The following PARD3B variants were observed in gnomAD, a reference collection of about 807,000 sequenced individuals.
PARD3B encodes par-3 family cell polarity regulator beta.
A neutral mutation model predicts 130.2 loss-of-function variants in PARD3B; 103 were observed. The observed-to-expected ratio is 0.79, with a 90% CI of 0.67 to 0.93. The LOEUF is 0.93. Ranked by LOEUF, PARD3B falls within the 40% of genes least tolerant of loss-of-function variation. The pLI is 0.00. For synonymous variants in PARD3B, 583 were observed against 553.2 expected (o/e 1.05, Z -0.76); for missense variants, 1,609 against 1,499.2 (o/e 1.07, Z -1.21).
intron 1 of PARD3B, among the ~76,000 whole-genome samples, chr2:204,626,629 T>G (rs941781186): frequency 1.2e-4 from 18 of 152,166 alleles, no homozygotes; most frequent in African/African-American, 4.3e-4. Flanking sequence ...ATTCTAAAAA[T>G]CTGTAGTAAA....
Position 205,110,530 on chromosome 2 carries a change from G to T in PARD3B, c.594-2961G>T, listed in dbSNP as rs183351219. 9.2e-5 allele frequency among the ~76,000 whole-genome samples: 14 copies of T among 151,650 alleles called. No individual in the cohort carries two copies. The East Asian group carries it at 2.5e-3, about 27-fold the overall frequency. On this transcript the variant is annotated intron_variant, in intron 5 of 22. Transcript: ENST00000406610. ...TTGTTTTAGTATGTCTTAGAAAGTT[G>T]TATAAAGATAGCTATTTTGATCTTA...
intron 21 of PARD3B, among the ~76,000 whole-genome samples, chr2:205,526,465 C>A (rs1481898622): frequency 6.6e-6 from 1 of 152,116 alleles, no homozygotes; most frequent in Non-Finnish European, 1.5e-5. Flanking sequence ...CAGAAGTATG[C>A]CAGCCAGAAA....
intron 2 of PARD3B, among the ~76,000 whole-genome samples, chr2:204,940,793 A>G (rs983846213): frequency 6.6e-6 from 1 of 152,118 alleles, no homozygotes; most frequent in African/African-American, 2.4e-5. Flanking sequence ...ATCATCATGT[A>G]TTCTAGGAGT....
chr2:205,337,117 A>G (rs1053326191), intron 18 of PARD3B, among the ~76,000 whole-genome samples: 11 of 152,172 alleles, frequency 7.2e-5, no homozygotes, highest in African/African-American at 2.2e-4. Context: ...GATAACCTGT[A>G]TAGACAATTC....
chr2:204,603,257 T>C (rs184596598), intron 1 of PARD3B, among the ~76,000 whole-genome samples: 2 of 152,154 alleles, frequency 1.3e-5, no homozygotes. Flanking sequence ...GTCAACCTCT[T>C]TGAGAATTTT....
chr2:205,410,576 A>G (rs2046562066), intron 19 of PARD3B, among the ~76,000 whole-genome samples: 1 of 152,156 alleles, frequency 6.6e-6, no homozygotes, highest in Non-Finnish European at 1.5e-5. Context: ...TCTTTAGAAG[A>G]AAAAATTTGC....
intron 18 of PARD3B, among the ~76,000 whole-genome samples, chr2:205,386,695 T>C (rs2045672982): frequency 6.6e-6 from 1 of 151,800 alleles, no homozygotes; most frequent in African/African-American, 2.4e-5. Context: ...TTTCAGTTCA[T>C]AATTGACAAC....
chr2:205,104,077 T>C (rs1360043885), intron 4 of PARD3B, among the ~76,000 whole-genome samples: 1 of 152,178 alleles, frequency 6.6e-6, no homozygotes, highest in Non-Finnish European at 1.5e-5. Context: ...GGCTAATATA[T>C]CACCATCTGT....
intron 19 of PARD3B, among the ~76,000 whole-genome samples, chr2:205,430,247 C>T (rs548718314): frequency 7.2e-5 from 11 of 152,198 alleles, no homozygotes; most frequent in Admixed American, 2.6e-4. Context: ...CATATTTATC[C>T]GGGTTTAGTT....
intron 3 of PARD3B, among the ~76,000 whole-genome samples, chr2:205,008,290 CT>C (rs34132187): frequency 0.87 from 127,653 of 147,202 alleles, 55,219 homozygotes; most frequent in East Asian, 0.99. Flanking sequence ...CACAAATAAT[CT>C]TTTTTTTTTT....
intron 1 of PARD3B, among the ~76,000 whole-genome samples, chr2:204,579,897 G>A (rs112760236): frequency 2.3e-3 from 354 of 152,326 alleles, no homozygotes; most frequent in African/African-American, 8.1e-3. Context: ...TGAAGGCTAG[G>A]GTTTGGTTAG....
rs944918933 is a variant in PARD3B, at chr2:204,851,279, G to A, written c.223-113873G>A. Among the ~76,000 whole-genome samples, 11 of 152,142 alleles carry A rather than the reference G, an allele frequency of 7.2e-5. 1 individual carries two copies. Among genetic ancestry groups the A allele is most frequent in the African/African-American group, 2.7e-4 (11 of 41,450 alleles). Reference sequence around the variant, plus strand: ...AAATAATTCAAGTCTGCCTGCCTGTGTGAGTTTGCTATTTGTAAGCCCTGG... The same window carrying A: ...AAATAATTCAAGTCTGCCTGCCTGTATGAGTTTGCTATTTGTAAGCCCTGG... On this transcript the variant is annotated intron_variant, in intron 2 of 22. Coordinates refer to ENST00000406610, the MANE Select transcript of PARD3B (RefSeq NM_001302769.2).
chr2:205,329,062 T>C (rs2043026270), intron 18 of PARD3B, among the ~76,000 whole-genome samples: 1 of 152,186 alleles, frequency 6.6e-6, no homozygotes, highest in Admixed American at 6.5e-5. Flanking sequence ...TCATTCCCCC[T>C]GCTCCTTCTC....
chr2:205,194,950 A>ATTTTTTTTTTTTTTTTTTTTTT (rs56836818), intron 15 of PARD3B, among the ~76,000 whole-genome samples: 1 of 111,224 alleles, frequency 9.0e-6, no homozygotes, highest in Non-Finnish European at 1.7e-5. Context: ...CGCCAGGCTA[A>ATTTTTTTTTTTTTTTTTTTTTT]TTTTTTTTTT....
intron 18 of PARD3B, among the ~76,000 whole-genome samples, chr2:205,356,484 C>T (rs926560155): frequency 6.6e-6 from 1 of 152,016 alleles, no homozygotes; most frequent in Non-Finnish European, 1.5e-5. Context: ...CCCTGTAAAC[C>T]CTAAAAGTGT....
intron 5 of PARD3B, among the ~76,000 whole-genome samples, chr2:205,113,053 T>C (rs1405460550): frequency 6.6e-6 from 1 of 152,190 alleles, no homozygotes; most frequent in Non-Finnish European, 1.5e-5. Flanking sequence ...TTTTATTTCA[T>C]TTTTCCTCTG....
chr2:204,699,550 G>A (rs1236671955), intron 2 of PARD3B, among the ~76,000 whole-genome samples: 6 of 152,062 alleles, frequency 3.9e-5, no homozygotes, highest in Non-Finnish European at 7.4e-5. Context: ...GAACACTGTA[G>A]AAGTGTTGGG....
At chr2:205,203,355 G>C (rs779084593) in intron 15 of PARD3B, among the ~76,000 whole-genome samples, 11 of 149,824 alleles carry the variant, frequency 7.3e-5, no homozygotes, top group African/African-American at 1.7e-4. Context: ...TTGTACTGAG[G>C]CTCTGTATCT....
At chr2:205,499,641 C>G (rs2050083136) in intron 20 of PARD3B, among the ~76,000 whole-genome samples, 1 of 152,134 alleles carries the variant, frequency 6.6e-6, no homozygotes, top group Non-Finnish European at 1.5e-5. Context: ...AAGGTAAAGA[C>G]TCTATCTTAC....
Sources: allele counts gnomAD v4.1 joint callset (sites outside exome capture counted in the v4.1 genomes callset), GRCh38; gene constraint gnomAD v4.1.1; transcripts MANE v1.5; gene names NCBI Gene and HGNC (gene_info 2026-07-23, HGNC 2026-07-21).